The following PCDHA8 variants were observed in gnomAD, a reference collection of about 807,000 sequenced individuals.
The protein encoded by PCDHA8 is protocadherin alpha-8.
In PCDHA8, 53 loss-of-function variants were observed where a neutral mutation model predicts 61.8. The ratio of observed to expected loss-of-function variants is 0.86; its 90% CI spans 0.69 to 1.08. PCDHA8 has a LOEUF of 1.08. Among genes scored for constraint, PCDHA8 ranks in the 50% least tolerant of loss-of-function variants. The pLI is 0.00. For synonymous variants in PCDHA8, 618 were observed against 556.6 expected (o/e 1.11, Z -1.55); for missense variants, 1,293 against 1,245.0 (o/e 1.04, Z -0.58).
In PCDHA8 at chr5:141,010,048, C is replaced by T; in HGVS notation, c.*111C>T. 4 of 1,597,434 alleles carry T rather than the reference C, an allele frequency of 2.5e-6. No homozygotes were observed. The highest frequency in any genetic ancestry group is 3.4e-6 in the Non-Finnish European group (4 of 1,172,252). Reference sequence around the variant, plus strand: ...CTATCTACATGAGCCCTCTTAGAGACCTCAGAAATCTGCAGAAAGTTCCCT... The same window carrying T: ...CTATCTACATGAGCCCTCTTAGAGATCTCAGAAATCTGCAGAAAGTTCCCT... On this transcript the variant is annotated 3_prime_UTR_variant, in exon 4 of 4. Coordinates refer to ENST00000531613, the MANE Select transcript of PCDHA8 (RefSeq NM_018911.3).
chr5:140,930,412 G>T (rs1327423423), intron 1 of PCDHA8: 1 of 148,866 alleles, frequency 6.7e-6, no homozygotes, highest in Non-Finnish European at 1.5e-5. Context: ...TTTTGAGACA[G>T]GGGTCTCACT....
chr5:140,955,397 A>G (rs1470827673), intron 1 of PCDHA8, among the ~76,000 whole-genome samples: 1 of 152,130 alleles, frequency 6.6e-6, no homozygotes, highest in Non-Finnish European at 1.5e-5. Context: ...CAATTATCCC[A>G]TACAGTTCTC....
intron 1 of PCDHA8, chr5:140,884,024 G>T: frequency 1.2e-6 from 2 of 1,613,318 alleles, no homozygotes; most frequent in South Asian, 2.2e-5. Flanking sequence ...GCGGTCGGTG[G>T]GTGCAGGCCA....
chr5:140,973,167 C>A (rs554202231), intron 1 of PCDHA8, among the ~76,000 whole-genome samples: 44 of 152,284 alleles, frequency 2.9e-4, no homozygotes, highest in Admixed American at 2.4e-3. Context: ...TTTGTAGTCA[C>A]CAAACCTTCA....
At chr5:140,883,892 G>T in intron 1 of PCDHA8, 3 of 1,613,362 alleles carry the variant, frequency 1.9e-6, no homozygotes, top group Non-Finnish European at 1.7e-6. Context: ...CGACTCTGGC[G>T]TGCCGCCTCT....
intron 1 of PCDHA8, among the ~76,000 whole-genome samples, chr5:140,941,409 C>T (rs1284702446): frequency 2.7e-5 from 4 of 149,924 alleles, no homozygotes; most frequent in Admixed American, 1.3e-4. Flanking sequence ...CTCCGCCTCC[C>T]GGGTTCAAGC....
intron 1 of PCDHA8, among the ~76,000 whole-genome samples, chr5:140,911,327 C>T (rs2153517846): frequency 6.6e-6 from 1 of 152,324 alleles, no homozygotes; most frequent in South Asian, 2.1e-4. Context: ...GGATCCCATT[C>T]TTTTCCAATC....
intron 1 of PCDHA8, chr5:140,883,049 G>A: frequency 6.2e-7 from 1 of 1,614,182 alleles, no homozygotes; most frequent in South Asian, 1.1e-5. Context: ...TGGAACATTA[G>A]TGATCAAGCT....
chr5:140,881,491 C>A (rs1476916826), intron 1 of PCDHA8: 2 of 285,934 alleles, frequency 7.0e-6, no homozygotes, highest in Non-Finnish European at 1.1e-5. Flanking sequence ...TGTGTTTATG[C>A]ACATACACAC....
At chr5:140,919,518 T>C (rs1027780107) in intron 1 of PCDHA8, among the ~76,000 whole-genome samples, 1 of 152,194 alleles carries the variant, frequency 6.6e-6, no homozygotes. Context: ...TATGTTTTAA[T>C]TCTCTTTTTT....
intron 1 of PCDHA8, chr5:140,882,237 T>C (rs2059015707): frequency 8.2e-6 from 13 of 1,582,128 alleles, no homozygotes; most frequent in Non-Finnish European, 1.1e-5. Context: ...TTGTATATAT[T>C]GCAGATAGCT....
intron 1 of PCDHA8, among the ~76,000 whole-genome samples, chr5:140,918,873 C>A (rs774088807): frequency 2.0e-5 from 3 of 152,166 alleles, no homozygotes; most frequent in Non-Finnish European, 4.4e-5. Flanking sequence ...AACTTTCAAG[C>A]CTCTAGAACA....
At chr5:140,990,109 T>C (rs2097374572) in intron 3 of PCDHA8, among the ~76,000 whole-genome samples, 1 of 151,886 alleles carries the variant, frequency 6.6e-6, no homozygotes, top group African/African-American at 2.4e-5. Context: ...AAACAGGAAA[T>C]TGAGAGCTCT....
At chr5:140,900,280 T>G (rs549563825) in intron 1 of PCDHA8, among the ~76,000 whole-genome samples, 1 of 152,182 alleles carries the variant, frequency 6.6e-6, no homozygotes, top group Admixed American at 6.5e-5. Flanking sequence ...TGTACCACAC[T>G]TTCTTTTCTG....
intron 1 of PCDHA8, among the ~76,000 whole-genome samples, chr5:140,914,012 G>A (rs2153528687): frequency 6.6e-6 from 1 of 152,234 alleles, no homozygotes; most frequent in Admixed American, 6.5e-5. Context: ...CTATCTTTGA[G>A]AATGATCCAC....
At position 140,857,876 on chromosome 5, in the gene PCDHA8, T is replaced by C. The variant is rs2044975773; in HGVS notation, c.2394+14161T>C. ...ATACAACGCGTGGCTGTCGTATGAATTGCAGTCGGCGGCGGTTGGTGCACG... is the reference window on the plus strand; with the variant it reads ...ATACAACGCGTGGCTGTCGTATGAACTGCAGTCGGCGGCGGTTGGTGCACG... On this transcript the variant is annotated intron_variant, in intron 1 of 3. Coordinates refer to ENST00000531613, the MANE Select transcript of PCDHA8 (RefSeq NM_018911.3). 3.1e-6 allele frequency: 5 copies of C among 1,597,774 alleles called. 1 individual carries two copies. Among genetic ancestry groups the C allele is most frequent in the East Asian group, 2.2e-5 (1 of 44,820 alleles).
chr5:140,850,518 G>A, intron 1 of PCDHA8: 1 of 1,598,310 alleles, frequency 6.3e-7, no homozygotes, highest in South Asian at 1.1e-5. Flanking sequence ...GAGCGGCCAG[G>A]CGCCAAAGTC....
chr5:140,848,477 A>G (rs1473834306), intron 1 of PCDHA8: 1 of 1,563,760 alleles, frequency 6.4e-7, no homozygotes, highest in Non-Finnish European at 8.7e-7. Context: ...ACTAATTAGA[A>G]GAAGACTGAG....
In PCDHA8 at chr5:141,010,257, G is replaced by T; in HGVS notation, c.*320G>T. On this transcript the variant is annotated 3_prime_UTR_variant, in exon 4 of 4. Coordinates refer to ENST00000531613, the MANE Select transcript of PCDHA8 (RefSeq NM_018911.3). ...AGTGAGAGGTTGGACTCTCTGCCCT[G>T]TGCTCCGGGGATCCTGTCTTGATGA... 6.4e-7 allele frequency: 1 copy of T among 1,551,794 alleles called. No homozygotes were observed. The highest frequency in any genetic ancestry group is 8.7e-7 in the Non-Finnish European group (1 of 1,147,016).
Sources: gnomAD v4.1 joint callset for allele counts (sites outside exome capture counted in the v4.1 genomes callset) on GRCh38, gnomAD v4.1.1 for gene constraint, MANE v1.5 for transcripts, NCBI Gene and HGNC (gene_info 2026-07-23, HGNC 2026-07-21) for gene names.